PATJ: variants seen among roughly 807,000 people sequenced by gnomAD.
PATJ encodes inaD-like protein.
PATJ carries 190 observed loss-of-function variants against 224.9 expected under a neutral mutation model. The ratio of observed to expected loss-of-function variants is 0.84; its 90% CI spans 0.75 to 0.95. PATJ has a LOEUF of 0.95. PATJ is among the 40% of genes least tolerant of loss of function. The pLI, the probability that PATJ is intolerant of heterozygous loss-of-function variation, is 0.00. For missense variants in PATJ, 2,121 were observed against 2,270.3 expected, an observed-to-expected ratio of 0.93 and a Z score of 1.34; for synonymous variants, 769 against 820.3, an observed-to-expected ratio of 0.94 and a Z score of 1.07.
intron 29 of PATJ, among the ~76,000 whole-genome samples, chr1:62,037,017 G>A (rs1339236195): frequency 1.3e-5 from 2 of 152,088 alleles, no homozygotes; most frequent in Non-Finnish European, 2.9e-5. Context: ...TCCAATTGGT[G>A]AAAAGTAAAG....
At chr1:61,828,285 A>G (rs1018958240) in intron 16 of PATJ, among the ~76,000 whole-genome samples, 2 of 151,818 alleles carry the variant, frequency 1.3e-5, no homozygotes, top group Non-Finnish European at 1.5e-5. Context: ...TTTCAAAGTG[A>G]GTCTGGAAAT....
At chr1:62,031,190 C>T (rs1030089020) in intron 29 of PATJ, among the ~76,000 whole-genome samples, 1 of 152,204 alleles carries the variant, frequency 6.6e-6, no homozygotes, top group Non-Finnish European at 1.5e-5. Flanking sequence ...GCAGCAGAGG[C>T]TCCTTCTCAG....
chr1:62,158,909 A>G (rs563818936), intron 43 of PATJ, among the ~76,000 whole-genome samples: 1 of 152,136 alleles, frequency 6.6e-6, no homozygotes, highest in East Asian at 1.9e-4. Flanking sequence ...AGATCGCACC[A>G]TTGCACTCCA....
At chr1:62,151,839 C>A (rs1461561533) in intron 42 of PATJ, among the ~76,000 whole-genome samples, 1 of 152,108 alleles carries the variant, frequency 6.6e-6, no homozygotes, top group African/African-American at 2.4e-5. Flanking sequence ...TGGGTTTCTG[C>A]CTTTTGAGCA....
At chr1:61,997,674 G>A (rs1430047317) in intron 28 of PATJ, among the ~76,000 whole-genome samples, 2 of 151,988 alleles carry the variant, frequency 1.3e-5, no homozygotes, top group Non-Finnish European at 1.5e-5. Context: ...AATAGTTTTA[G>A]TAGATAAAGA....
At chr1:61,786,630 T>G (rs1648588544) in intron 7 of PATJ, among the ~76,000 whole-genome samples, 1 of 151,980 alleles carries the variant, frequency 6.6e-6, no homozygotes, top group Admixed American at 6.6e-5. Flanking sequence ...AAACTTGGAG[T>G]TTTGACTCCT....
intron 37 of PATJ, 45 bp from the exon 38 acceptor site, chr1:62,121,136 C>T: frequency 8.1e-7 from 1 of 1,229,544 alleles, no homozygotes; most frequent in South Asian, 1.3e-5. Flanking sequence ...TTTAGGGGGT[C>T]AAGTCAGTGT....
chr1:61,764,313 C>G (rs1021000961), intron 3 of PATJ, among the ~76,000 whole-genome samples: 7 of 152,056 alleles, frequency 4.6e-5, no homozygotes, highest in Non-Finnish European at 1.0e-4. Flanking sequence ...TATGTTTCTT[C>G]TACTCATTTA....
intron 28 of PATJ, among the ~76,000 whole-genome samples, chr1:62,008,685 G>T (rs1646246298): frequency 5.9e-5 from 9 of 152,132 alleles, no homozygotes; most frequent in Admixed American, 5.9e-4. Context: ...GGCGGTCAAG[G>T]CTGCAGTGAG....
chr1:61,971,313 A>C (rs1366233457), intron 27 of PATJ, among the ~76,000 whole-genome samples: 1 of 152,174 alleles, frequency 6.6e-6, no homozygotes, highest in East Asian at 1.9e-4. Context: ...TTGCAGAAGT[A>C]AATAAGATTT....
rs868749100 is a variant in PATJ, at chr1:61,875,324, C to A, written c.2917C>A (p.Leu973Met). 6.2e-7 allele frequency: 1 copy of A among 1,611,232 alleles called. No individual in the cohort carries two copies. The highest frequency in any genetic ancestry group is 1.1e-5 in the South Asian group (1 of 90,788). ...CAGTCAACAAGGCAGATTTGACGAC[C>A]TGGAAAATCTTAATTCATTAGCAAA... ...GNSQQGRFDD[L>M]ENLNSLAKTS... Residue 973 changes from leucine (L) to methionine (M), a missense_variant, in exon 21 of 44, where the codon CTG (leucine) becomes ATG (methionine). By Grantham distance (15) the Leu-to-Met change is conservative. Coordinates refer to ENST00000642238, the MANE Select transcript of PATJ (RefSeq NM_001350145.3).
At chr1:61,834,458 A>G (rs1377111432) in intron 17 of PATJ, among the ~76,000 whole-genome samples, 2 of 152,204 alleles carry the variant, frequency 1.3e-5, no homozygotes, top group African/African-American at 4.8e-5. Flanking sequence ...AAAGGTCACA[A>G]CAAGACATCT....
chr1:61,862,079 T>A (rs1402120037), intron 19 of PATJ, among the ~76,000 whole-genome samples: 1 of 152,138 alleles, frequency 6.6e-6, no homozygotes, highest in Non-Finnish European at 1.5e-5. Flanking sequence ...CCCAGGCTGG[T>A]CTTGAACCCC....
chr1:62,020,148 C>T (rs774601678), intron 29 of PATJ, among the ~76,000 whole-genome samples: 9 of 151,602 alleles, frequency 5.9e-5, no homozygotes, highest in Middle Eastern at 3.4e-3. Flanking sequence ...TCAGCTTGGG[C>T]GACAGCAAGA....
rs1317388518 is a variant in PATJ, at chr1:62,161,940, G to T, written c.*886G>T. The T allele has an allele frequency of 1.3e-5, 2 of 152,162 alleles. No homozygotes were observed. The highest frequency in any genetic ancestry group is 1.5e-5 in the Non-Finnish European group (1 of 68,040). 9.4% of individuals were successfully genotyped at this position (152,162 alleles called of 1,614,324 possible). A position where few individuals can be genotyped will look rare whatever the true frequency, so the allele number is the denominator to read the frequency against. ...GAAATTACTGTGCTGTCTTCTGTATGACTTATGGTCAAATAAGTCTCAAAT... is the reference window on the plus strand; with the variant it reads ...GAAATTACTGTGCTGTCTTCTGTATTACTTATGGTCAAATAAGTCTCAAAT... On this transcript the variant is annotated 3_prime_UTR_variant, in exon 44 of 44. Coordinates refer to ENST00000642238, the MANE Select transcript of PATJ (RefSeq NM_001350145.3).
At chr1:61,851,336 G>A (rs1662776556) in intron 17 of PATJ, among the ~76,000 whole-genome samples, 1 of 152,198 alleles carries the variant, frequency 6.6e-6, no homozygotes, top group Non-Finnish European at 1.5e-5. Context: ...AGGGAGTAAG[G>A]GAATGCTTCT....
chr1:62,125,986 G>T (rs1013546942), intron 39 of PATJ, among the ~76,000 whole-genome samples: 6 of 152,132 alleles, frequency 3.9e-5, no homozygotes, highest in African/African-American at 1.4e-4. Context: ...GGCCTGGCTG[G>T]TCTCAAACTC....
At chr1:62,153,874 T>C (rs1285249270) in intron 43 of PATJ, among the ~76,000 whole-genome samples, 1 of 152,154 alleles carries the variant, frequency 6.6e-6, no homozygotes, top group African/African-American at 2.4e-5. Flanking sequence ...GCAGAAAGGT[T>C]TGTGCTGTGC....
chr1:61,939,373 C>CAT (rs1357873959), intron 27 of PATJ, among the ~76,000 whole-genome samples: 2 of 149,900 alleles, frequency 1.3e-5, no homozygotes, highest in African/African-American at 4.9e-5. Flanking sequence ...CACACACACA[C>CAT]ATATATATAC....
Sources: gnomAD v4.1 joint callset for allele counts (sites outside exome capture counted in the v4.1 genomes callset) on GRCh38, gnomAD v4.1.1 for gene constraint, MANE v1.5 for transcripts, NCBI Gene and HGNC (gene_info 2026-07-23, HGNC 2026-07-21) for gene names.